The following EFCAB6 variants were observed in gnomAD, a reference collection of about 807,000 sequenced individuals.
EFCAB6 encodes the protein EF-hand calcium-binding domain-containing protein 6.
In EFCAB6, 156 loss-of-function variants were observed where a neutral mutation model predicts 169.8. That is an observed-to-expected ratio of 0.92 (90% CI 0.81 to 1.05). The LOEUF (loss-of-function observed/expected upper bound fraction) is 1.05. EFCAB6 is among the 50% of genes least tolerant of loss of function. The probability of loss-of-function intolerance (pLI) is 0.00; values close to 1 mark genes in which losing one functional copy is unlikely to be tolerated. For synonymous variants in EFCAB6, 698 were observed against 676.4 expected (o/e 1.03, Z -0.50); for missense variants, 1,800 against 1,829.1 (o/e 0.98, Z 0.29).
At chr22:43,722,069 A>G (rs2059549380) in intron 8 of EFCAB6, among the ~76,000 whole-genome samples, 1 of 152,164 alleles carries the variant, frequency 6.6e-6, no homozygotes, top group Non-Finnish European at 1.5e-5. Flanking sequence ...TAACCCCATT[A>G]AAAAATGGAC....
chr22:43,731,638 A>G, intron 8 of EFCAB6, 61 bp downstream of exon 8: 1 of 990,868 alleles, frequency 1.0e-6, no homozygotes, highest in Non-Finnish European at 1.5e-6. Context: ...GATCCAAAGA[A>G]CAGGAATTAC....
rs550248250 is a variant in EFCAB6 at position 43,598,443 on chromosome 22, G to C, written c.2876+1626C>G. On this transcript the variant is annotated intron_variant, in intron 23 of 31. Transcript: ENST00000262726. ...CGGGAGGGGGAAGATAAGAGAAGTTGGATAAGGGGTACAAAAATGCAATTT... is the reference window on the plus strand; with the variant it reads ...CGGGAGGGGGAAGATAAGAGAAGTTCGATAAGGGGTACAAAAATGCAATTT... Among the ~76,000 whole-genome samples, 11 of 151,626 alleles carry C rather than the reference G, an allele frequency of 7.3e-5. No homozygotes were observed. In the East Asian group the frequency reaches 1.9e-3, roughly 27 times the overall value.
At chr22:43,654,097 C>T (rs1052940976) in intron 17 of EFCAB6, among the ~76,000 whole-genome samples, 12 of 151,604 alleles carry the variant, frequency 7.9e-5, no homozygotes, top group Non-Finnish European at 1.0e-4. Context: ...CAATCAGAAG[C>T]GGAAAAGGGA....
At chr22:43,542,860 A>C (rs1227870226) in intron 27 of EFCAB6, among the ~76,000 whole-genome samples, 1 of 152,108 alleles carries the variant, frequency 6.6e-6, no homozygotes, top group Non-Finnish European at 1.5e-5. Flanking sequence ...TTGACATGAA[A>C]CGTGGGCAAG....
chr22:43,573,946 A>T (rs1329849230), intron 26 of EFCAB6, among the ~76,000 whole-genome samples: 2 of 152,196 alleles, frequency 1.3e-5, no homozygotes, highest in East Asian at 3.8e-4. Context: ...GTAATTTCAT[A>T]CAGTCCAACC....
chr22:43,784,130 C>G (rs2061925376), intron 2 of EFCAB6, among the ~76,000 whole-genome samples: 1 of 151,986 alleles, frequency 6.6e-6, no homozygotes, highest in African/African-American at 2.4e-5. Context: ...TGCAAAGAAA[C>G]AAGGAAGTGT....
chr22:43,662,410 A>G (rs547116634), intron 17 of EFCAB6, among the ~76,000 whole-genome samples: 20 of 152,184 alleles, frequency 1.3e-4, no homozygotes, highest in African/African-American at 4.3e-4. Context: ...GTGGGAATAA[A>G]TAATTGGCAC....
Position 43,769,085 on chromosome 22 carries a change from G to C in EFCAB6, c.352-3692C>G, listed in dbSNP as rs567601015. 3.3e-5 allele frequency among the ~76,000 whole-genome samples: 5 copies of C among 152,258 alleles called. No individual in the cohort carries two copies. The East Asian group carries it at 7.7e-4, about 24-fold the overall frequency. On this transcript the variant is annotated intron_variant, in intron 4 of 31. Coordinates refer to ENST00000262726, the MANE Select transcript of EFCAB6 (RefSeq NM_022785.4). ...TGCTATTCACAAAAGTCAAAACGTGGAAACAACTCAAAGGTCCATCAGCCG... is the reference window on the plus strand; with the variant it reads ...TGCTATTCACAAAAGTCAAAACGTGCAAACAACTCAAAGGTCCATCAGCCG...
intron 6 of EFCAB6, among the ~76,000 whole-genome samples, chr22:43,737,039 T>C (rs1182479166): frequency 6.6e-6 from 1 of 151,982 alleles, no homozygotes; most frequent in African/African-American, 2.4e-5. Flanking sequence ...CTTCGCTGCT[T>C]GGCATATATG....
chr22:43,695,027 C>T (rs2058522841), intron 10 of EFCAB6, among the ~76,000 whole-genome samples: 1 of 151,810 alleles, frequency 6.6e-6, no homozygotes, highest in Admixed American at 6.6e-5. Context: ...GGCTAGAAAA[C>T]AAAATAAGAG....
intron 31 of EFCAB6, 53 bp downstream of exon 31, chr22:43,530,762 T>C: frequency 6.2e-7 from 1 of 1,604,344 alleles, no homozygotes. Flanking sequence ...TTCTGGCCGC[T>C]GGCATTTGGC....
In EFCAB6 at chr22:43,782,178, A is replaced by C. The variant is rs145390419; in HGVS notation, c.139+2T>G. Reference sequence around the variant, plus strand: ...TGTTCTTATTTGCTCATGAATACTTACTTGAAGAAGATCTGAACTTATTTG... The same window carrying C: ...TGTTCTTATTTGCTCATGAATACTTCCTTGAAGAAGATCTGAACTTATTTG... On this transcript the variant is annotated splice_donor_variant, in intron 3 of 31. Coordinates refer to ENST00000262726, the MANE Select transcript of EFCAB6 (RefSeq NM_022785.4). LOFTEE classifies it high-confidence loss of function. 6.2e-7 allele frequency: 1 copy of C among 1,611,294 alleles called. No individual in the cohort carries two copies. The highest frequency in any genetic ancestry group is 8.5e-7 in the Non-Finnish European group (1 of 1,178,990).
Position 43,600,208 on chromosome 22 carries a change from C to T in EFCAB6, c.2737G>A (p.Gly913Ser), listed in dbSNP as rs767638818. ...TGGACAGCAGGCGAATAGTTAATAC[C>T]CAATTTCTGTAAAAATTCCTGGTAA... ...ITYQEFLQKL[G>S]INYSPAVHRP... The change falls in exon 23 of 32, where the codon GGT (glycine) becomes AGT (serine). Residue 913 changes from glycine (G) to serine (S), a missense_variant. By Grantham distance (56) the Gly-to-Ser change is moderately conservative (BLOSUM62 0). Coordinates refer to ENST00000262726, the MANE Select transcript of EFCAB6 (RefSeq NM_022785.4). 6.3e-5 allele frequency: 102 copies of T among 1,614,016 alleles called. No homozygotes were observed. The highest frequency in any genetic ancestry group is 8.9e-5 in the East Asian group (4 of 44,898).
chr22:43,676,913 T>C lies in EFCAB6; in HGVS notation c.1419+1083A>G, dbSNP rs146287329. Among the ~76,000 whole-genome samples, 758 of 152,268 alleles carry C rather than the reference T, an allele frequency of 5.0e-3. 7 individuals carry two copies. The highest frequency in any genetic ancestry group is 0.017 in the African/African-American group (712 of 41,526). On this transcript the variant is annotated intron_variant, in intron 13 of 31. Coordinates refer to ENST00000262726, the MANE Select transcript of EFCAB6 (RefSeq NM_022785.4). ...AGCTAAACCATCTTAAAGCTTTCCC[T>C]AAAGCAAGGCACCCCATTCAGATCC...
At chr22:43,645,414 G>A (rs1026591468) in intron 17 of EFCAB6, among the ~76,000 whole-genome samples, 14 of 152,230 alleles carry the variant, frequency 9.2e-5, no homozygotes, top group African/African-American at 3.4e-4. Flanking sequence ...GTGAGAGGGT[G>A]TCCAGTTTGT....
chr22:43,643,470 A>G (rs2055939025), intron 17 of EFCAB6, among the ~76,000 whole-genome samples: 1 of 152,244 alleles, frequency 6.6e-6, no homozygotes, highest in East Asian at 1.9e-4. Context: ...CGTGTGAGCA[A>G]TAAGGAGCCA....
chr22:43,658,369 G>A (rs1027132434), intron 17 of EFCAB6, among the ~76,000 whole-genome samples: 4 of 152,214 alleles, frequency 2.6e-5, no homozygotes, highest in Non-Finnish European at 5.9e-5. Context: ...GATTGTGGGG[G>A]TGGACATTAA....
intron 19 of EFCAB6, among the ~76,000 whole-genome samples, chr22:43,629,624 G>C (rs2054784454): frequency 1.3e-5 from 2 of 152,178 alleles, no homozygotes; most frequent in Non-Finnish European, 2.9e-5. Flanking sequence ...CCTGCGGGCT[G>C]TGTGCTATGA....
intron 2 of EFCAB6, among the ~76,000 whole-genome samples, chr22:43,797,691 C>T (rs1438173218): frequency 6.6e-6 from 1 of 151,952 alleles, no homozygotes; most frequent in Non-Finnish European, 1.5e-5. Context: ...ATTTCAAATG[C>T]TGATCTCCTC....
Sources: gnomAD v4.1 joint callset for allele counts (sites outside exome capture counted in the v4.1 genomes callset) on GRCh38, gnomAD v4.1.1 for gene constraint, MANE v1.5 for transcripts, NCBI Gene and HGNC (gene_info 2026-07-23, HGNC 2026-07-21) for gene names.